The following CDK5RAP2 variants were observed in gnomAD, a reference collection of about 807,000 sequenced individuals.
CDK5RAP2 encodes the protein CDK5 regulatory subunit-associated protein 2.
A neutral mutation model predicts 232.9 loss-of-function variants in CDK5RAP2; 147 were observed. The ratio of observed to expected loss-of-function variants is 0.63; its 90% confidence interval spans 0.55 to 0.72. The LOEUF is 0.72. CDK5RAP2 is among the 30% of genes least tolerant of loss of function. The probability of loss-of-function intolerance (pLI) is 0.00; values close to 1 mark genes in which losing one functional copy is unlikely to be tolerated. For synonymous variants in CDK5RAP2, 833 were observed against 833.7 expected (o/e 1.00, Z 0.01); for missense variants, 2,195 against 2,231.5 (o/e 0.98, Z 0.33).
intron 5 of CDK5RAP2, 134 bp downstream of exon 5, chr9:120,545,580 G>A (rs1185364983): frequency 2.6e-6 from 2 of 756,216 alleles, no homozygotes; most frequent in Non-Finnish European, 4.8e-6. Context: ...AAATAATTAA[G>A]TAAAAACAAA....
chr9:120,575,817 C>G (rs988955780), intron 1 of CDK5RAP2, among the ~76,000 whole-genome samples: 2 of 152,176 alleles, frequency 1.3e-5, no homozygotes, highest in Non-Finnish European at 2.9e-5. Flanking sequence ...TTCAATTTTG[C>G]TGCTTAAAAA....
chr9:120,531,400 CTG>C (rs933312597), intron 7 of CDK5RAP2, among the ~76,000 whole-genome samples: 1 of 152,164 alleles, frequency 6.6e-6, no homozygotes, highest in Non-Finnish European at 1.5e-5. Context: ...CCTCTCTGGG[CTG>C]TGTTATCAAA....
intron 28 of CDK5RAP2, among the ~76,000 whole-genome samples, chr9:120,413,265 C>T (rs1052342512): frequency 1.3e-5 from 2 of 152,202 alleles, no homozygotes; most frequent in Admixed American, 1.3e-4. Flanking sequence ...TGCTAGGAGG[C>T]CATTCTTTCC....
intron 21 of CDK5RAP2, among the ~76,000 whole-genome samples, chr9:120,450,922 G>T (rs1391969074): frequency 6.6e-6 from 1 of 152,218 alleles, no homozygotes; most frequent in East Asian, 1.9e-4. Context: ...GAGAGAGCAG[G>T]TTCAAGGATA....
chr9:120,496,744 C>T (rs2039283629), intron 12 of CDK5RAP2, among the ~76,000 whole-genome samples: 1 of 121,824 alleles, frequency 8.2e-6, no homozygotes, highest in Non-Finnish European at 1.6e-5. Flanking sequence ...GTTGGGGGGT[C>T]AGCCCCCCGC....
At chr9:120,460,494 G>T in intron 19 of CDK5RAP2, 78 bp downstream of exon 19, 2 of 1,328,820 alleles carry the variant, frequency 1.5e-6, no homozygotes, top group South Asian at 1.2e-5. Flanking sequence ...AAACCCACTG[G>T]ACTCATTCCA....
At chr9:120,579,685 C>T (rs1225560286) in intron 1 of CDK5RAP2, among the ~76,000 whole-genome samples, 1 of 152,214 alleles carries the variant, frequency 6.6e-6, no homozygotes, top group Non-Finnish European at 1.5e-5. Flanking sequence ...GTTCTTCACA[C>T]GCTCTACAAA....
At position 120,437,514 on chromosome 9, in the gene CDK5RAP2, C is replaced by T. The variant is rs1394500372; in HGVS notation, c.3736G>A (p.Val1246Ile). The T allele has an allele frequency of 6.2e-7, 1 of 1,612,740 alleles. No individual in the cohort carries two copies. Among genetic ancestry groups the T allele is most frequent in the Non-Finnish European group, 8.5e-7 (1 of 1,178,768 alleles). ...DLSPPRYDSL[V>I]QSQARELSLQ... is the part of the protein sequence containing the mutation. ...GAGAGCTCCCTGGCTTGGGACTGAA[C>T]TAATGAATCGTATCTGATAAAAGAG... Residue 1246 changes from valine (V) to isoleucine (I), a missense_variant, in exon 25 of 38, where the codon GTT (valine) becomes ATT (isoleucine). Physicochemically the swap from Val to Ile is conservative, Grantham distance 29 (BLOSUM62 3). Coordinates refer to ENST00000349780, the MANE Select transcript of CDK5RAP2 (RefSeq NM_018249.6).
intron 12 of CDK5RAP2, among the ~76,000 whole-genome samples, chr9:120,502,978 T>G (rs1185997041): frequency 6.6e-6 from 1 of 152,230 alleles, no homozygotes; most frequent in African/African-American, 2.4e-5. Flanking sequence ...TTATTAGTCC[T>G]GTTTTTACAG....
intron 8 of CDK5RAP2, 34 bp downstream of exon 8, chr9:120,529,944 A>C: frequency 1.2e-6 from 2 of 1,610,428 alleles, no homozygotes; most frequent in Non-Finnish European, 1.7e-6. Context: ...TGGTTGGCTA[A>C]TTAAAGCCCC....
chr9:120,518,920 T>C (rs1446702334), intron 11 of CDK5RAP2, among the ~76,000 whole-genome samples: 2 of 152,126 alleles, frequency 1.3e-5, no homozygotes, highest in African/African-American at 4.8e-5. Flanking sequence ...CTCACACCTG[T>C]AATCCCAGCA....
At chr9:120,461,670 T>C (rs1245993716) in intron 18 of CDK5RAP2, among the ~76,000 whole-genome samples, 2 of 152,124 alleles carry the variant, frequency 1.3e-5, no homozygotes, top group Non-Finnish European at 2.9e-5. Flanking sequence ...GTGAGACACC[T>C]GTCTCTACAA....
intron 23 of CDK5RAP2, among the ~76,000 whole-genome samples, chr9:120,442,297 C>A (rs1474435593): frequency 2.0e-5 from 3 of 152,158 alleles, no homozygotes; most frequent in African/African-American, 7.2e-5. Flanking sequence ...CTCCTGCAAT[C>A]CAATCTCCTG....
intron 3 of CDK5RAP2, among the ~76,000 whole-genome samples, chr9:120,565,415 T>C (rs1035447085): frequency 6.6e-6 from 1 of 152,174 alleles, no homozygotes; most frequent in African/African-American, 2.4e-5. Context: ...ACCAGCCTGG[T>C]AAGCTTTTGA....
intron 25 of CDK5RAP2, among the ~76,000 whole-genome samples, chr9:120,424,850 C>T (rs914394885): frequency 5.3e-5 from 8 of 152,002 alleles, no homozygotes; most frequent in East Asian, 1.9e-4. Flanking sequence ...CAAGCACACA[C>T]CACCACCATC....
At chr9:120,549,728 C>T (rs925518124) in intron 4 of CDK5RAP2, among the ~76,000 whole-genome samples, 5 of 152,178 alleles carry the variant, frequency 3.3e-5, no homozygotes, top group Non-Finnish European at 5.9e-5. Context: ...AGGTTCTAGA[C>T]GCATGACCAC....
At chr9:120,564,264 AAGACCATCCTGGCTAACATGGTG>A (rs1170575670) in intron 3 of CDK5RAP2, among the ~76,000 whole-genome samples, 1 of 152,134 alleles carries the variant, frequency 6.6e-6, no homozygotes, top group East Asian at 1.9e-4. Context: ...TCAGGAGATC[AAGACCATCCTGGCTAACATGGTG>A]AGACCATCCT....
chr9:120,496,352 G>A (rs1247870502), intron 12 of CDK5RAP2, among the ~76,000 whole-genome samples: 73 of 141,848 alleles, frequency 5.1e-4, no homozygotes, highest in Non-Finnish European at 9.0e-4. Flanking sequence ...CCCCCCGCCC[G>A]GCCAGCCGCC....
intron 12 of CDK5RAP2, among the ~76,000 whole-genome samples, chr9:120,511,187 G>C (rs1157057217): frequency 6.6e-6 from 1 of 152,160 alleles, no homozygotes; most frequent in African/African-American, 2.4e-5. Context: ...AATGAGACTG[G>C]CAATAAATGT....
Sources: allele counts gnomAD v4.1 joint callset (sites outside exome capture counted in the v4.1 genomes callset), GRCh38; gene constraint gnomAD v4.1.1; transcripts MANE v1.5; gene names NCBI Gene and HGNC (gene_info 2026-07-23, HGNC 2026-07-21).